Variants in ROBO2 observed in about 807,000 individuals in gnomAD.
ROBO2 encodes roundabout guidance receptor 2, also known as roundabout homolog 2.
In ROBO2, 53 loss-of-function variants were observed where a neutral mutation model predicts 160.8. The observed-to-expected ratio is 0.33, with a 90% CI of 0.26 to 0.41. The LOEUF (loss-of-function observed/expected upper bound fraction) is 0.41. ROBO2 is among the 10% of genes least tolerant of loss of function. The pLI is 1.00. For synonymous variants in ROBO2, 664 were observed against 611.7 expected (o/e 1.09, Z -1.26); for missense variants, 1,577 against 1,722.4 (o/e 0.92, Z 1.49).
chr3:77,274,347 AG>A (rs1191248440), intron 2 of ROBO2, among the ~76,000 whole-genome samples: 1 of 152,168 alleles, frequency 6.6e-6, no homozygotes, highest in Non-Finnish European at 1.5e-5. Flanking sequence ...CTTTATTGTC[AG>A]GCAGATGGGG....
chr3:76,337,648 A>G (rs1191233725), intron 2 of ROBO2, among the ~76,000 whole-genome samples: 1 of 152,176 alleles, frequency 6.6e-6, no homozygotes, highest in African/African-American at 2.4e-5. Flanking sequence ...CAAAATGAAA[A>G]AGAGAACTAG....
intron 2 of ROBO2, among the ~76,000 whole-genome samples, chr3:76,628,327 G>A (rs535937290): frequency 2.6e-5 from 4 of 151,264 alleles, no homozygotes; most frequent in Admixed American, 1.3e-4. Context: ...ACAGCTTACC[G>A]CAACCCCAAA....
At chr3:76,079,107 T>A (rs1255210792) in intron 2 of ROBO2, among the ~76,000 whole-genome samples, 1 of 152,148 alleles carries the variant, frequency 6.6e-6, no homozygotes, top group African/African-American at 2.4e-5. Context: ...AAAATTGATC[T>A]TATAGATATA....
At chr3:76,323,716 G>A (rs535302413) in intron 2 of ROBO2, among the ~76,000 whole-genome samples, 1 of 152,284 alleles carries the variant, frequency 6.6e-6, no homozygotes, top group African/African-American at 2.4e-5. Context: ...GTTTCATTTG[G>A]AAATTGGTTT....
intron 1 of ROBO2, among the ~76,000 whole-genome samples, chr3:77,058,782 C>T (rs1189726522): frequency 6.6e-6 from 1 of 151,986 alleles, no homozygotes; most frequent in African/African-American, 2.4e-5. Context: ...AAGCGATCCA[C>T]CCACGTCGAC....
chr3:76,979,593 GGTGTGTGT>G (rs149940820), intron 2 of ROBO2, among the ~76,000 whole-genome samples: 1 of 147,824 alleles, frequency 6.8e-6, no homozygotes, highest in African/African-American at 2.5e-5. Context: ...GTGTGTGTGT[GGTGTGTGT>G]GTGTGTGTGT....
At position 75,922,546 on chromosome 3, in the gene ROBO2, G is replaced by GT. The variant is rs562001730; in HGVS notation, c.-13-14934dup. Among the ~76,000 whole-genome samples the GT allele has an allele frequency of 4.0e-3, 604 of 151,992 alleles. 14 individuals are homozygous for GT. In the Middle Eastern group the frequency reaches 0.043, roughly 11 times the overall value. On this transcript the variant is annotated intron_variant, in intron 1 of 26. Coordinates refer to the ROBO2 transcript ENST00000487694. ...ACAAATCATAAATAAATGATTAGTA[G>GT]TCCAATAAAAAAAGACAAAGTACAT...
At chr3:76,484,865 T>C (rs1308909214) in intron 2 of ROBO2, among the ~76,000 whole-genome samples, 5 of 152,148 alleles carry the variant, frequency 3.3e-5, no homozygotes, top group Non-Finnish European at 7.4e-5. Flanking sequence ...TTACTAATAT[T>C]GATTATAAAA....
chr3:76,798,292 G>GAAAGAAAGAAA lies in ROBO2; in HGVS notation c.110-299721_110-299711dup, dbSNP rs1553909463. Among the ~76,000 whole-genome samples, 71 of 148,790 alleles carry GAAAGAAAGAAA rather than the reference G, an allele frequency of 4.8e-4. 1 individual carries two copies. Among genetic ancestry groups the GAAAGAAAGAAA allele is most frequent in the African/African-American group, 1.8e-3 (71 of 40,298 alleles). On this transcript the variant is annotated intron_variant, in intron 2 of 26. Coordinates refer to the ROBO2 transcript ENST00000487694. ...AGAAAGAAAGAAAGAAAGAAAGAAA[G>GAAAGAAAGAAA]AAAGAAAGAAAGAAAGAAAGAAAAA...
chr3:76,304,822 G>A (rs140553639), intron 2 of ROBO2, among the ~76,000 whole-genome samples: 15 of 124,396 alleles, frequency 1.2e-4, no homozygotes, highest in African/African-American at 4.8e-4. Flanking sequence ...TTGTCTGTGT[G>A]TGTAATGAAG....
intron 2 of ROBO2, among the ~76,000 whole-genome samples, chr3:76,664,462 G>C (rs191895995): frequency 1.1e-4 from 17 of 152,290 alleles, no homozygotes; most frequent in Admixed American, 1.0e-3. Flanking sequence ...TAAACACAGT[G>C]AATTTGAAAA....
rs147884634 is a variant in ROBO2 at position 77,648,767 on chromosome 3, C to T, written c.*2712C>T. ...AGATGTCAACAGAAAAATACAAATA[C>T]CTATGAGAGCCACAGCAGTTTCTCG... On this transcript the variant is annotated 3_prime_UTR_variant, in exon 26 of 26. Coordinates refer to ENST00000461745, the Ensembl canonical transcript of ROBO2. The T allele has an allele frequency of 1.8e-3, 274 of 152,240 alleles. 2 individuals are homozygous for T. Among genetic ancestry groups the T allele is most frequent in the African/African-American group, 5.9e-3 (247 of 41,550 alleles). The allele number at this position is 152,240 out of a possible 1,614,324, so 9.4% of individuals were successfully genotyped here.
At chr3:76,176,205 T>A (rs1333205683) in intron 2 of ROBO2, among the ~76,000 whole-genome samples, 1 of 152,150 alleles carries the variant, frequency 6.6e-6, no homozygotes, top group East Asian at 1.9e-4. Context: ...TGTTCCTCCA[T>A]GCAAGCCCAT....
chr3:77,473,105 T>C (rs986932649), intron 2 of ROBO2, among the ~76,000 whole-genome samples: 3 of 151,974 alleles, frequency 2.0e-5, no homozygotes, highest in East Asian at 1.9e-4. Flanking sequence ...GTTTTATAGA[T>C]GAGCTTGAGG....
At chr3:76,907,115 A>G (rs1352429033) in intron 2 of ROBO2, among the ~76,000 whole-genome samples, 1 of 147,442 alleles carries the variant, frequency 6.8e-6, no homozygotes, top group African/African-American at 2.4e-5. Context: ...GAATACATGG[A>G]TGAATGAATG....
chr3:77,146,037 C>T (rs910565437), intron 2 of ROBO2, among the ~76,000 whole-genome samples: 4 of 152,130 alleles, frequency 2.6e-5, no homozygotes, highest in African/African-American at 9.7e-5. Context: ...AGGGTAGAGG[C>T]CATTAGTTCT....
intron 11 of ROBO2, chr3:77,564,652 G>A (rs1392288310): frequency 2.1e-6 from 1 of 479,516 alleles, no homozygotes; most frequent in East Asian, 4.2e-5. Context: ...TGTGATCTTG[G>A]CCTCTGTTCC....
At chr3:77,174,862 A>G (rs2079982365) in intron 2 of ROBO2, among the ~76,000 whole-genome samples, 1 of 152,070 alleles carries the variant, frequency 6.6e-6, no homozygotes, top group Non-Finnish European at 1.5e-5. Context: ...AAAAGGAATT[A>G]TGTTTAGCTT....
At chr3:76,128,288 T>C (rs905030010) in intron 2 of ROBO2, among the ~76,000 whole-genome samples, 4 of 152,096 alleles carry the variant, frequency 2.6e-5, no homozygotes, top group Non-Finnish European at 4.4e-5. Context: ...CTAGTTATGC[T>C]TCATAGAAAA....
Sources: allele counts gnomAD v4.1 joint callset (sites outside exome capture counted in the v4.1 genomes callset), GRCh38; gene constraint gnomAD v4.1.1; transcripts MANE v1.5; gene names NCBI Gene and HGNC (gene_info 2026-07-23, HGNC 2026-07-21).